The following SEZ6L2 variants were observed in gnomAD, a reference collection of about 807,000 sequenced individuals.
The protein encoded by SEZ6L2 is seizure related 6 homolog like 2.
SEZ6L2 carries 44 observed loss-of-function variants against 97.0 expected under a neutral mutation model. That is an observed-to-expected ratio of 0.45 (90% CI 0.36 to 0.58). The LOEUF is 0.58. SEZ6L2 is among the 20% of genes least tolerant of loss of function. The probability of loss-of-function intolerance (pLI) is 0.00; values close to 1 mark genes in which losing one functional copy is unlikely to be tolerated. For missense variants in SEZ6L2, 1,086 were observed against 1,233.3 expected (o/e 0.88, Z 1.79); for synonymous variants, 543 against 546.1 (o/e 0.99, Z 0.08).
intron 8 of SEZ6L2, 118 bp from the exon 9 acceptor site, chr16:29,880,182 T>C (rs2068001244): frequency 1.1e-6 from 1 of 913,414 alleles, no homozygotes; most frequent in South Asian, 1.8e-5. Flanking sequence ...TTTTTTTTTT[T>C]TAAACAGTCT....
In SEZ6L2 at chr16:29,873,722, A is replaced by G; in HGVS notation, c.2112T>C (p.Thr704=). The G allele has an allele frequency of 6.3e-7, 1 of 1,579,754 alleles. No homozygotes were observed. Among genetic ancestry groups the G allele is most frequent in the Non-Finnish European group, 8.6e-7 (1 of 1,164,272 alleles). Residue 704 remains threonine, a synonymous_variant, in exon 13 of 18, where the codon ACT becomes ACC. Transcript: ENST00000617533. This position sits in a 1 kb window ranked among gnomAD's most constrained non-coding sequence, Gnocchi z 4.3. ...TGGCAATCTCGCCAGGGTCAGCACA[A>G]GTCATGACTGGTGGCAGAAGAACAA... ...AAPPACQKIM[T]CADPGEIANG...
In SEZ6L2 at chr16:29,876,707, C is replaced by A. The variant is rs2067911041; in HGVS notation, c.2104+49G>T. ...GGGACAGGACAGGCCGACGACGGGGCCCACAGGGAAGGGGCGGGGCCGAGG... is the reference window on the plus strand; with the variant it reads ...GGGACAGGACAGGCCGACGACGGGGACCACAGGGAAGGGGCGGGGCCGAGG... On this transcript the variant is annotated intron_variant, in intron 12 of 17. Transcript: ENST00000617533. This position sits in a 1 kb window ranked among gnomAD's most constrained non-coding sequence, Gnocchi z 6.5. 1 of 1,474,896 alleles carries A rather than the reference C, an allele frequency of 6.8e-7. No individual in the cohort carries two copies. Among genetic ancestry groups the A allele is most frequent in the Non-Finnish European group, 9.1e-7 (1 of 1,104,114 alleles). The allele number at this position is 1,474,896 out of a possible 1,614,324, so 91.4% of individuals were successfully genotyped here. A position where few individuals can be genotyped will look rare whatever the true frequency, so the allele number is the denominator to read the frequency against.
intron 3 of SEZ6L2, among the ~76,000 whole-genome samples, chr16:29,896,062 A>G (rs1023139865): frequency 2.6e-5 from 4 of 152,112 alleles, no homozygotes; most frequent in Admixed American, 1.3e-4. Context: ...TCCTGGGCTC[A>G]AGTGATCCTC....
chr16:29,884,951 T>C (rs1596976436), intron 8 of SEZ6L2, among the ~76,000 whole-genome samples: 2 of 152,138 alleles, frequency 1.3e-5, no homozygotes, highest in East Asian at 3.9e-4. Flanking sequence ...CTCACTCCTG[T>C]AATCCCAGCA....
intron 5 of SEZ6L2, among the ~76,000 whole-genome samples, chr16:29,891,583 G>A (rs2068273789): frequency 6.6e-6 from 1 of 152,098 alleles, no homozygotes; most frequent in African/African-American, 2.4e-5. Flanking sequence ...GGAGGTTGCA[G>A]GGAGCTGAGA....
chr16:29,875,437 C>T (rs781401224), intron 12 of SEZ6L2, among the ~76,000 whole-genome samples: 106 of 152,162 alleles, frequency 7.0e-4, no homozygotes, highest in Non-Finnish European at 1.2e-3. Flanking sequence ...GCCGAACTCT[C>T]AGCCCCATCC....
At chr16:29,878,232 T>C in intron 10 of SEZ6L2, 55 bp downstream of exon 10, 2 of 1,507,648 alleles carry the variant, frequency 1.3e-6, no homozygotes, top group Admixed American at 3.9e-5. Context: ...TGCATTGGCA[T>C]ACCACACTTT....
chr16:29,888,776 C>T, intron 5 of SEZ6L2, 51 bp from the exon 6 acceptor site: 1 of 1,508,310 alleles, frequency 6.6e-7, no homozygotes, highest in African/African-American at 1.4e-5. Flanking sequence ...ATGCCACCCT[C>T]TCATACTGAT....
At position 29,871,599 on chromosome 16, in the gene SEZ6L2, G is replaced by C; in HGVS notation, c.*100C>G. 1 of 1,205,902 alleles carries C rather than the reference G, an allele frequency of 8.3e-7. No homozygotes were observed. 74.7% of individuals were successfully genotyped at this position (1,205,902 alleles called of 1,614,324 possible). A position where few individuals can be genotyped will look rare whatever the true frequency, so the allele number is the denominator to read the frequency against. ...TAGGGAGACTATTTACACAGCCAGG[G>C]AGGAGGGCAGCCAGGAGGCAGAGAC... On this transcript the variant is annotated 3_prime_UTR_variant, in exon 18 of 18. Coordinates refer to ENST00000617533, the MANE Select transcript of SEZ6L2 (RefSeq NM_001243332.2).
At chr16:29,891,360 G>A (rs2068268811) in intron 5 of SEZ6L2, among the ~76,000 whole-genome samples, 1 of 151,756 alleles carries the variant, frequency 6.6e-6, no homozygotes, top group East Asian at 1.9e-4. Flanking sequence ...CACCATACCT[G>A]GCCTAACCAC....
chr16:29,888,697 G>T lies in SEZ6L2; in HGVS notation c.882C>A (p.Pro294=), dbSNP rs2068201736. 1 of 1,613,274 alleles carries T rather than the reference G, an allele frequency of 6.2e-7. No homozygotes were observed. The part of the protein sequence containing the change: ...QAYLLSCGFP[P]RPAHGDVSVT... ...CACTCACGTCCCCATGGGCCGGCCGGGGAGGGAAGCCACAGCTCAGGAGGT... is the reference window on the plus strand; with the variant it reads ...CACTCACGTCCCCATGGGCCGGCCGTGGAGGGAAGCCACAGCTCAGGAGGT... The change falls in exon 6 of 18, where the codon CCC becomes CCA. Residue 294 remains proline (P), a synonymous_variant. Coordinates refer to ENST00000617533, the MANE Select transcript of SEZ6L2 (RefSeq NM_001243332.2).
rs1362034531 is a variant in SEZ6L2 at position 29,873,008 on chromosome 16, T to A, written c.2488+232A>T. Among the ~76,000 whole-genome samples the A allele has an allele frequency of 6.6e-6, 1 of 152,208 alleles. No homozygotes were observed. Among genetic ancestry groups the A allele is most frequent in the East Asian group, 1.9e-4 (1 of 5,198 alleles). On this transcript the variant is annotated intron_variant, in intron 14 of 17. Transcript: ENST00000617533. The surrounding 1 kb of genome is among the most constrained non-coding windows in gnomAD (Gnocchi z 4.3). Reference sequence around the variant, plus strand: ...TCAGCGATAGGGAAACTGAGGCCTATTCAGAGCAAGGGACTTCCAAGCCAA... The same window carrying A: ...TCAGCGATAGGGAAACTGAGGCCTAATCAGAGCAAGGGACTTCCAAGCCAA...
At chr16:29,889,987 C>A (rs2068236948) in intron 5 of SEZ6L2, among the ~76,000 whole-genome samples, 1 of 151,948 alleles carries the variant, frequency 6.6e-6, no homozygotes, top group Admixed American at 6.6e-5. Flanking sequence ...CGGCTCACTG[C>A]AACCTCCGTC....
At position 29,879,923 on chromosome 16, in the gene SEZ6L2, G is replaced by A. The variant is rs776728145; in HGVS notation, c.1514C>T (p.Ala505Val). 1.9e-6 allele frequency: 3 copies of A among 1,613,900 alleles called. No individual in the cohort carries two copies. The highest frequency in any genetic ancestry group is 1.3e-5 in the African/African-American group (1 of 74,930). The change falls in exon 9 of 18, where the codon GCC becomes GTC. Residue 505 changes from alanine (A) to valine (V), a missense_variant. Physicochemically the swap from Ala to Val is moderately conservative, Grantham distance 64 (BLOSUM62 0). Around this residue, in one of 2 missense-constraint regions of SEZ6L2, gnomAD observed 776 missense variants for 794.7 expected, o/e 0.98. Coordinates refer to ENST00000617533, the MANE Select transcript of SEZ6L2 (RefSeq NM_001243332.2). ...TTCTGTGGGATCCACACATTCGATG[G>A]CATTGGGGGGCCCAGGGGGCTCCAG... ...YALEPPGPPN[A>V]IECVDPTEPH...
chr16:29,895,620 C>A, intron 4 of SEZ6L2, 101 bp downstream of exon 4: 1 of 1,462,732 alleles, frequency 6.8e-7, no homozygotes, highest in South Asian at 1.3e-5. Flanking sequence ...TCACCTGAGT[C>A]ATCAGACAGG....
In SEZ6L2 at chr16:29,876,646, C is replaced by T; in HGVS notation, c.2104+110G>A. ...CTTGAAGAAGATCCAGGAAGGACCC[C>T]GAGCGAAGGGATGGAACCCAGAAAG... On this transcript the variant is annotated intron_variant, in intron 12 of 17. Coordinates refer to ENST00000617533, the MANE Select transcript of SEZ6L2 (RefSeq NM_001243332.2). The surrounding 1 kb of genome is among the most constrained non-coding windows in gnomAD (Gnocchi z 6.5). 1 of 1,018,716 alleles carries T rather than the reference C, an allele frequency of 9.8e-7. No individual in the cohort carries two copies. The highest frequency in any genetic ancestry group is 1.4e-6 in the Non-Finnish European group (1 of 717,544). The allele number at this position is 1,018,716 out of a possible 1,614,324, so 63.1% of individuals were successfully genotyped here.
rs1177685703 is a variant in SEZ6L2, at chr16:29,878,484, C to T, written c.1574-59G>A. 2.0e-6 allele frequency: 3 copies of T among 1,508,700 alleles called. No individual in the cohort carries two copies. In the East Asian group the frequency reaches 7.0e-5, roughly 35 times the overall value. The allele number at this position is 1,508,700 out of a possible 1,614,324, so 93.5% of individuals were successfully genotyped here. A position where few individuals can be genotyped will look rare whatever the true frequency, so the allele number is the denominator to read the frequency against. ...GGTGGGCATGCTGTCTTCATTTCTC[C>T]ACAGTCCTCACCACTCGTGATGCGT... On this transcript the variant is annotated intron_variant, in intron 9 of 17. Transcript: ENST00000617533.
intron 5 of SEZ6L2, among the ~76,000 whole-genome samples, chr16:29,894,753 C>T (rs1000448850): frequency 2.0e-5 from 3 of 152,174 alleles, no homozygotes; most frequent in South Asian, 4.1e-4. Flanking sequence ...AATTGTCCCT[C>T]GGATGTGTGC....
chr16:29,893,560 T>C (rs2068316972), intron 5 of SEZ6L2, among the ~76,000 whole-genome samples: 1 of 149,470 alleles, frequency 6.7e-6, no homozygotes, highest in African/African-American at 2.5e-5. Context: ...GACAGGAGAA[T>C]CATCTGAAGC....
Sources: allele counts gnomAD v4.1 joint callset (sites outside exome capture counted in the v4.1 genomes callset), GRCh38; gene constraint gnomAD v4.1.1; regional missense constraint gnomAD v4.1.1; non-coding constraint Gnocchi (gnomAD v3.1); transcripts MANE v1.5; gene names NCBI Gene and HGNC (gene_info 2026-07-23, HGNC 2026-07-21).